IGSF21: variants seen among roughly 807,000 people sequenced by gnomAD.
IGSF21 encodes immunoglobulin superfamily member 21.
A neutral mutation model predicts 46.8 loss-of-function variants in IGSF21; 28 were observed. That is an observed-to-expected ratio of 0.60 (90% confidence interval 0.44 to 0.82). The LOEUF (loss-of-function observed/expected upper bound fraction) is 0.82, where lower values mean the gene tolerates loss of function less well. IGSF21 is among the 40% of genes least tolerant of loss of function. The probability of loss-of-function intolerance (pLI) is 0.00; values close to 1 mark genes in which losing one functional copy is unlikely to be tolerated. For synonymous variants in IGSF21, 284 were observed against 273.6 expected, an observed-to-expected ratio of 1.04 and a Z score of -0.38; for missense variants, 624 against 665.5, an observed-to-expected ratio of 0.94 and a Z score of 0.69.
intron 2 of IGSF21, among the ~76,000 whole-genome samples, chr1:18,285,628 C>T (rs1219553576): frequency 6.6e-6 from 1 of 152,160 alleles, no homozygotes; most frequent in Non-Finnish European, 1.5e-5. Context: ...GAAACTTCTA[C>T]ACAGTGTAGC....
In IGSF21 at chr1:18,290,181, C is replaced by T. The variant is rs192715098; in HGVS notation, c.184-1685C>T. Among the ~76,000 whole-genome samples, 2 of 152,268 alleles carry T rather than the reference C, an allele frequency of 1.3e-5. No individual in the cohort carries two copies. Among genetic ancestry groups the T allele is most frequent in the African/African-American group, 4.8e-5 (2 of 41,540 alleles). On this transcript the variant is annotated intron_variant, in intron 2 of 9. Coordinates refer to ENST00000251296, the MANE Select transcript of IGSF21 (RefSeq NM_032880.5). This position sits in a 1 kb window ranked among gnomAD's most constrained non-coding sequence, Gnocchi z 4.2. ...AAGAGGAGAGGAGAATCCTCCTGTC[C>T]CCGTCCTCCTCATCTTCCTCCACTC... is the stretch of plus-strand genomic sequence containing the variant.
At chr1:18,376,749 T>G in intron 7 of IGSF21, 51 bp from the exon 8 acceptor site, 1 of 1,525,148 alleles carries the variant, frequency 6.6e-7, no homozygotes, top group South Asian at 1.3e-5. Context: ...CTTGCTGATC[T>G]GGCAGAATGG....
chr1:18,228,361 G>T (rs1419585933), intron 2 of IGSF21, among the ~76,000 whole-genome samples: 1 of 152,196 alleles, frequency 6.6e-6, no homozygotes, highest in African/African-American at 2.4e-5. Flanking sequence ...TGAGGCTTCG[G>T]ATAATGTTTT....
At chr1:18,289,815 G>A (rs2085249251) in intron 2 of IGSF21, among the ~76,000 whole-genome samples, 2 of 152,188 alleles carry the variant, frequency 1.3e-5, no homozygotes, top group Admixed American at 6.5e-5. Context: ...GTCCCCTGGT[G>A]GTTAGGGTGA....
intron 2 of IGSF21, among the ~76,000 whole-genome samples, chr1:18,287,426 A>G (rs2085226047): frequency 6.6e-6 from 1 of 152,066 alleles, no homozygotes. Flanking sequence ...AAACAAAAAA[A>G]AAATCCACCC....
At chr1:18,220,836 G>T (rs1271423472) in intron 1 of IGSF21, among the ~76,000 whole-genome samples, 1 of 152,170 alleles carries the variant, frequency 6.6e-6, no homozygotes, top group Admixed American at 6.5e-5. Context: ...GAGGCTGTGT[G>T]TGCAGGAGAG....
intron 6 of IGSF21, among the ~76,000 whole-genome samples, chr1:18,370,636 T>C (rs2086215362): frequency 6.6e-6 from 1 of 152,098 alleles, no homozygotes; most frequent in Non-Finnish European, 1.5e-5. Context: ...AATCTTCTGC[T>C]CTTACAAAGA....
intron 1 of IGSF21, among the ~76,000 whole-genome samples, chr1:18,217,453 G>A (rs569758964): frequency 1.1e-4 from 16 of 152,316 alleles, no homozygotes; most frequent in African/African-American, 1.9e-4. Context: ...GAGATGTGGC[G>A]GAACAAATTG....
intron 1 of IGSF21, among the ~76,000 whole-genome samples, chr1:18,130,380 G>A (rs769693972): frequency 2.6e-5 from 4 of 152,200 alleles, no homozygotes; most frequent in Non-Finnish European, 4.4e-5. Flanking sequence ...TGAACCATGA[G>A]CACCTACCAT....
intron 3 of IGSF21, among the ~76,000 whole-genome samples, chr1:18,314,403 G>A (rs993491351): frequency 3.3e-5 from 5 of 151,990 alleles, no homozygotes; most frequent in African/African-American, 1.2e-4. Context: ...TCACTCCCCT[G>A]AGGTTAGCGG....
At chr1:18,177,933 G>A (rs942091922) in intron 1 of IGSF21, among the ~76,000 whole-genome samples, 3 of 152,120 alleles carry the variant, frequency 2.0e-5, no homozygotes, top group African/African-American at 7.2e-5. Context: ...AAGGGGCAGG[G>A]GTGGGATGCA....
chr1:18,350,591 GT>G (rs1244100073), intron 4 of IGSF21, among the ~76,000 whole-genome samples: 1 of 152,110 alleles, frequency 6.6e-6, no homozygotes, highest in African/African-American at 2.4e-5. Context: ...TACTTGAACT[GT>G]TTGGTAGGTT....
intron 1 of IGSF21, among the ~76,000 whole-genome samples, chr1:18,199,480 C>T (rs2087045529): frequency 6.6e-6 from 1 of 152,184 alleles, no homozygotes; most frequent in Non-Finnish European, 1.5e-5. Flanking sequence ...GGATCCTGGG[C>T]ACCGGCTCTT....
intron 4 of IGSF21, among the ~76,000 whole-genome samples, chr1:18,341,389 G>A (rs540078746): frequency 6.6e-6 from 1 of 152,214 alleles, no homozygotes; most frequent in Non-Finnish European, 1.5e-5. Context: ...TATACGGACT[G>A]TGGGTCAGAA....
chr1:18,212,434 A>C (rs770952209), intron 1 of IGSF21, among the ~76,000 whole-genome samples: 13 of 152,180 alleles, frequency 8.5e-5, no homozygotes, highest in Non-Finnish European at 1.8e-4. Context: ...AACATTTCAG[A>C]ACACCTTCCC....
chr1:18,303,085 C>A (rs111707189), intron 3 of IGSF21, among the ~76,000 whole-genome samples: 1 of 152,230 alleles, frequency 6.6e-6, no homozygotes, highest in South Asian at 2.1e-4. Context: ...CTGGGGCCCC[C>A]AACCACCAAG....
At chr1:18,261,750 A>T (rs576281058) in intron 2 of IGSF21, among the ~76,000 whole-genome samples, 12 of 152,308 alleles carry the variant, frequency 7.9e-5, no homozygotes, top group African/African-American at 2.6e-4. Context: ...CTTAACCTTG[A>T]AGATGCCAGA....
intron 4 of IGSF21, among the ~76,000 whole-genome samples, chr1:18,338,716 G>A (rs1219145578): frequency 6.6e-6 from 1 of 152,198 alleles, no homozygotes; most frequent in Admixed American, 6.5e-5. Context: ...GTGTGGTGGG[G>A]AAAGACATTT....
At chr1:18,232,057 C>T (rs2084632838) in intron 2 of IGSF21, among the ~76,000 whole-genome samples, 1 of 151,772 alleles carries the variant, frequency 6.6e-6, no homozygotes, top group Non-Finnish European at 1.5e-5. Context: ...CTCTAAGGTG[C>T]TGAGTATCGT....
Sources: allele counts gnomAD v4.1 joint callset (sites outside exome capture counted in the v4.1 genomes callset), GRCh38; gene constraint gnomAD v4.1.1; non-coding constraint Gnocchi (gnomAD v3.1); transcripts MANE v1.5; gene names NCBI Gene and HGNC (gene_info 2026-07-23, HGNC 2026-07-21).